NAALADL2: variants seen among roughly 807,000 people sequenced by gnomAD.
NAALADL2 encodes N-acetylated alpha-linked acidic dipeptidase like 2.
A neutral mutation model predicts 87.2 loss-of-function variants in NAALADL2; 76 were observed. The observed-to-expected ratio is 0.87, with a 90% CI of 0.72 to 1.05. The LOEUF (loss-of-function observed/expected upper bound fraction) is 1.05. NAALADL2 is among the 50% of genes least tolerant of loss of function. The pLI is 0.00. For missense variants in NAALADL2, 1,089 were observed against 945.8 expected (o/e 1.15, Z -1.99); for synonymous variants, 354 against 331.0 (o/e 1.07, Z -0.75).
chr3:175,176,479 C>G (rs1421075275), intron 2 of NAALADL2, among the ~76,000 whole-genome samples: 2 of 151,986 alleles, frequency 1.3e-5, no homozygotes, highest in Non-Finnish European at 2.9e-5. Context: ...TAATGGTTCC[C>G]AATTGATGGC....
chr3:175,693,468 C>A (rs1481745505), intron 11 of NAALADL2, among the ~76,000 whole-genome samples: 1 of 152,076 alleles, frequency 6.6e-6, no homozygotes, highest in East Asian at 1.9e-4. Flanking sequence ...TGACCAGGAC[C>A]CAAGGACAAA....
chr3:174,654,981 C>T (rs959437842), intron 2 of NAALADL2, among the ~76,000 whole-genome samples: 2 of 152,132 alleles, frequency 1.3e-5, no homozygotes, highest in Non-Finnish European at 2.9e-5. Context: ...TTGATCTGCC[C>T]TCCTTGGCTT....
chr3:174,673,437 G>T (rs935091866), intron 2 of NAALADL2, among the ~76,000 whole-genome samples: 1 of 152,034 alleles, frequency 6.6e-6, no homozygotes, highest in African/African-American at 2.4e-5. Flanking sequence ...CAGGCTTAAT[G>T]AATGAAGATA....
At chr3:175,364,469 G>A (rs1765345774) in intron 5 of NAALADL2, among the ~76,000 whole-genome samples, 1 of 147,770 alleles carries the variant, frequency 6.8e-6, no homozygotes, top group Non-Finnish European at 1.5e-5. Flanking sequence ...CCCTTGGGTT[G>A]TACATTCGGG....
chr3:175,713,932 C>A (rs143451977), intron 11 of NAALADL2, among the ~76,000 whole-genome samples: 3 of 152,084 alleles, frequency 2.0e-5, no homozygotes, highest in Non-Finnish European at 4.4e-5. Flanking sequence ...ATCCTATGTT[C>A]ATGTGTTCTC....
chr3:174,860,858 GT>G (rs1451846350), intron 1 of NAALADL2, among the ~76,000 whole-genome samples: 2 of 151,850 alleles, frequency 1.3e-5, no homozygotes, highest in Non-Finnish European at 2.9e-5. Context: ...TGTATATTAT[GT>G]TTCTGGTAAT....
chr3:174,671,606 AAT>A (rs1339795615), intron 2 of NAALADL2, among the ~76,000 whole-genome samples: 1 of 152,098 alleles, frequency 6.6e-6, no homozygotes, highest in Non-Finnish European at 1.5e-5. Context: ...GACTTATGAA[AAT>A]ATGTCAAAAA....
intron 3 of NAALADL2, among the ~76,000 whole-genome samples, chr3:174,834,311 C>G (rs1480679048): frequency 6.8e-6 from 1 of 147,662 alleles, no homozygotes; most frequent in Non-Finnish European, 1.5e-5. Flanking sequence ...TTTTCTCACT[C>G]TGAATATGGG....
At chr3:174,968,161 T>G (rs370232639) in intron 1 of NAALADL2, among the ~76,000 whole-genome samples, 180 of 152,316 alleles carry the variant, frequency 1.2e-3, no homozygotes, top group African/African-American at 4.1e-3. Flanking sequence ...CCTCTTACTT[T>G]GGGTATGTTA....
chr3:175,678,289 C>T (rs1165112537), intron 11 of NAALADL2, among the ~76,000 whole-genome samples: 2 of 152,172 alleles, frequency 1.3e-5, no homozygotes, highest in Non-Finnish European at 2.9e-5. Flanking sequence ...TCATTGCCCT[C>T]TCCTGTCCCC....
chr3:175,239,807 C>A (rs1427812551), intron 3 of NAALADL2, among the ~76,000 whole-genome samples: 1 of 152,168 alleles, frequency 6.6e-6, no homozygotes, highest in Non-Finnish European at 1.5e-5. Context: ...TTCTGTACGA[C>A]TCAGTGTTCT....
chr3:174,557,435 TATC>T, intron 2 of NAALADL2, among the ~76,000 whole-genome samples: 1 of 152,340 alleles, frequency 6.6e-6, no homozygotes, highest in South Asian at 2.1e-4. Context: ...GTTTTATTAA[TATC>T]ATAAATATCT....
chr3:174,755,170 C>T (rs940455646), intron 3 of NAALADL2, among the ~76,000 whole-genome samples: 3 of 152,122 alleles, frequency 2.0e-5, no homozygotes, highest in Non-Finnish European at 4.4e-5. Context: ...TTGGTACTTC[C>T]TCCTGCATTC....
intron 1 of NAALADL2, among the ~76,000 whole-genome samples, chr3:174,962,371 CATATATATATATATAT>C (rs140830010): frequency 2.6e-5 from 2 of 75,744 alleles, no homozygotes; most frequent in African/African-American, 1.1e-4. Context: ...GTGACTATGA[CATATATATATATATAT>C]ATATATATGT....
At chr3:175,394,475 TG>T (rs754045213) in intron 5 of NAALADL2, among the ~76,000 whole-genome samples, 2 of 152,232 alleles carry the variant, frequency 1.3e-5, no homozygotes, top group Non-Finnish European at 2.9e-5. Context: ...CTCATGAATA[TG>T]TACAAATATC....
intron 1 of NAALADL2, among the ~76,000 whole-genome samples, chr3:174,902,709 T>G (rs1732462215): frequency 6.6e-6 from 1 of 152,164 alleles, no homozygotes; most frequent in South Asian, 2.1e-4. Flanking sequence ...CAAGTTGGAC[T>G]TGGAAATACT....
intron 3 of NAALADL2, among the ~76,000 whole-genome samples, chr3:175,236,932 A>G (rs1746003807): frequency 6.6e-6 from 1 of 152,080 alleles, no homozygotes; most frequent in African/African-American, 2.4e-5. Context: ...ATTCTTTCAC[A>G]CTTCTGCAAT....
intron 4 of NAALADL2, among the ~76,000 whole-genome samples, chr3:175,317,553 G>T (rs1264398269): frequency 1.3e-5 from 2 of 151,908 alleles, no homozygotes; most frequent in African/African-American, 2.4e-5. Context: ...GATGTTCACA[G>T]ACCTTGTCCT....
chr3:174,616,128 T>G (rs1720436821), intron 2 of NAALADL2, among the ~76,000 whole-genome samples: 1 of 151,946 alleles, frequency 6.6e-6, no homozygotes, highest in South Asian at 2.1e-4. Context: ...AGAGTATTTT[T>G]AGAGTGGTCA....
Sources: allele counts gnomAD v4.1 joint callset (sites outside exome capture counted in the v4.1 genomes callset), GRCh38; gene constraint gnomAD v4.1.1; transcripts MANE v1.5; gene names NCBI Gene and HGNC (gene_info 2026-07-23, HGNC 2026-07-21).